The following PRR16 variants were observed in gnomAD, a reference collection of about 807,000 sequenced individuals.
PRR16 encodes the protein protein Largen.
PRR16 carries 6 observed loss-of-function variants against 18.2 expected under a neutral mutation model. The observed-to-expected ratio is 0.33, with a 90% CI of 0.18 to 0.65. PRR16 has a LOEUF of 0.65. Ranked by LOEUF, PRR16 falls within the 30% of genes least tolerant of loss-of-function variation. PRR16 has a pLI of 0.74. For synonymous variants in PRR16, 151 were observed against 147.8 expected, an observed-to-expected ratio of 1.02 and a Z score of -0.16; for missense variants, 412 against 376.6, an observed-to-expected ratio of 1.09 and a Z score of -0.78.
At chr5:120,630,965 A>G (rs1561583188) in intron 1 of PRR16, among the ~76,000 whole-genome samples, 1 of 152,172 alleles carries the variant, frequency 6.6e-6, no homozygotes. Flanking sequence ...AGAATACTAA[A>G]TTATTTAGCT....
At chr5:120,513,283 A>G (rs1268992536) in intron 1 of PRR16, among the ~76,000 whole-genome samples, 2 of 152,094 alleles carry the variant, frequency 1.3e-5, no homozygotes, top group Non-Finnish European at 2.9e-5. Flanking sequence ...TTCCATTTGT[A>G]TTTAGCTACC....
chr5:120,607,413 C>A (rs572205517), intron 1 of PRR16, among the ~76,000 whole-genome samples: 2 of 152,058 alleles, frequency 1.3e-5, no homozygotes, highest in Admixed American at 6.6e-5. Context: ...TTATGTTTTT[C>A]TCTTTTGGAG....
the PRR16 span, among the ~76,000 whole-genome samples, chr5:120,734,379 G>A: frequency 2.4e-4 from 37 of 152,120 alleles, no homozygotes; most frequent in Non-Finnish European, 4.3e-4. Flanking sequence ...ATGTTTATTC[G>A]TTACAGTTTT....
chr5:120,768,266 C>T, the PRR16 span, among the ~76,000 whole-genome samples: 25 of 151,578 alleles, frequency 1.6e-4, no homozygotes, highest in African/African-American at 5.3e-4. Flanking sequence ...TAAAATGCAC[C>T]ACACAATATA....
At chr5:120,724,168 T>C in the PRR16 span, among the ~76,000 whole-genome samples, 28 of 152,184 alleles carry the variant, frequency 1.8e-4, no homozygotes, top group Admixed American at 6.6e-4. Context: ...TTCTCTTCCC[T>C]GCAAATTTAC....
At chr5:120,517,775 G>C (rs939617230) in intron 1 of PRR16, among the ~76,000 whole-genome samples, 2 of 152,114 alleles carry the variant, frequency 1.3e-5, no homozygotes, top group Non-Finnish European at 2.9e-5. Flanking sequence ...GTTTCTAAAG[G>C]GAGGGGCCAG....
chr5:120,479,462 C>T (rs1340962076), intron 1 of PRR16, among the ~76,000 whole-genome samples: 3 of 151,830 alleles, frequency 2.0e-5, no homozygotes, highest in East Asian at 1.9e-4. Context: ...TATTATATAC[C>T]GGAATAACCA....
intron 1 of PRR16, among the ~76,000 whole-genome samples, chr5:120,467,284 G>A (rs1010589096): frequency 4.6e-5 from 7 of 151,998 alleles, no homozygotes; most frequent in Non-Finnish European, 8.8e-5. Context: ...TATGCTTTTA[G>A]ACCATAATAT....
At chr5:120,744,560 G>A in the PRR16 span, among the ~76,000 whole-genome samples, 1 of 152,110 alleles carries the variant, frequency 6.6e-6, no homozygotes, top group Non-Finnish European at 1.5e-5. Context: ...AGATAAGACT[G>A]GCCCAGCAGT....
In PRR16 at chr5:120,621,289, C is replaced by T. The variant is rs557450339; in HGVS notation, c.160-64665C>T. Among the ~76,000 whole-genome samples the T allele has an allele frequency of 4.6e-5, 7 of 152,114 alleles. No homozygotes were observed. The South Asian group carries it at 1.2e-3, about 27-fold the overall frequency. On this transcript the variant is annotated intron_variant, in intron 1 of 1. Coordinates refer to ENST00000407149, the MANE Select transcript of PRR16 (RefSeq NM_001300783.2). ...GCTATTCTACATTGAAAACTTTTGC[C>T]ACTTGCCATTGCCACCTGGGCTTCT...
chr5:120,661,969 G>A (rs570928981), intron 1 of PRR16, among the ~76,000 whole-genome samples: 1 of 152,094 alleles, frequency 6.6e-6, no homozygotes, highest in East Asian at 1.9e-4. Context: ...GGAAATGTGG[G>A]CTGGGGTATC....
chr5:120,746,945 C>G, the PRR16 span, among the ~76,000 whole-genome samples: 1 of 151,774 alleles, frequency 6.6e-6, no homozygotes, highest in African/African-American at 2.4e-5. Context: ...CATCTTTCTT[C>G]GAAGGAATAA....
chr5:120,643,603 G>A (rs944996450), intron 1 of PRR16, among the ~76,000 whole-genome samples: 2 of 152,060 alleles, frequency 1.3e-5, no homozygotes, highest in Admixed American at 1.3e-4. Flanking sequence ...TGTCCTAAAA[G>A]TATAACATTG....
intron 1 of PRR16, among the ~76,000 whole-genome samples, chr5:120,553,070 T>C (rs10069331): frequency 0.2 from 29,569 of 151,602 alleles, 3,036 homozygotes; most frequent in Non-Finnish European, 0.21. Flanking sequence ...AAATAAAATA[T>C]AATGAAAGGT....
the PRR16 span, among the ~76,000 whole-genome samples, chr5:120,732,355 T>A: frequency 1.3e-5 from 2 of 152,188 alleles, no homozygotes; most frequent in Non-Finnish European, 2.9e-5. Context: ...TTGGTTGATC[T>A]GAAGACGAGG....
At chr5:120,749,879 T>C in the PRR16 span, among the ~76,000 whole-genome samples, 2 of 152,144 alleles carry the variant, frequency 1.3e-5, no homozygotes, top group Non-Finnish European at 2.9e-5. Context: ...TAATATCGAA[T>C]TTCAAATCAA....
chr5:120,493,895 C>A (rs1237955010), intron 1 of PRR16, among the ~76,000 whole-genome samples: 1 of 151,958 alleles, frequency 6.6e-6, no homozygotes, highest in Non-Finnish European at 1.5e-5. Context: ...ACCCATTTTC[C>A]ATGGTATAGA....
intron 1 of PRR16, among the ~76,000 whole-genome samples, chr5:120,663,271 T>C (rs1756239668): frequency 6.6e-6 from 1 of 152,112 alleles, no homozygotes; most frequent in South Asian, 2.1e-4. Flanking sequence ...TCTTAGTTTT[T>C]TTGGTTTCCG....
At chr5:120,706,938 GAC>G in the PRR16 span, among the ~76,000 whole-genome samples, 1 of 152,148 alleles carries the variant, frequency 6.6e-6, no homozygotes, top group African/African-American at 2.4e-5. Flanking sequence ...CCCTCTGATA[GAC>G]ACTGGGATAT....
Sources: gnomAD v4.1 joint callset for allele counts (sites outside exome capture counted in the v4.1 genomes callset) on GRCh38, gnomAD v4.1.1 for gene constraint, MANE v1.5 for transcripts, NCBI Gene and HGNC (gene_info 2026-07-23, HGNC 2026-07-21) for gene names.